DRAM1: variants seen among roughly 807,000 people sequenced by gnomAD.
DRAM1 encodes DNA damage regulated autophagy modulator 1.
DRAM1 carries 25 observed loss-of-function variants against 28.5 expected under a neutral mutation model. The ratio of observed to expected loss-of-function variants is 0.88; its 90% CI spans 0.64 to 1.23. The LOEUF (loss-of-function observed/expected upper bound fraction) is 1.23. Among genes scored for constraint, DRAM1 ranks in the 50% most tolerant of loss-of-function variants. The pLI is 0.00. For synonymous variants in DRAM1, 113 were observed against 114.2 expected, an observed-to-expected ratio of 0.99 and a Z score of 0.07; for missense variants, 249 against 299.2, an observed-to-expected ratio of 0.83 and a Z score of 1.24.
intron 5 of DRAM1, among the ~76,000 whole-genome samples, chr12:101,919,193 A>G (rs1411965569): frequency 6.6e-6 from 1 of 152,034 alleles, no homozygotes; most frequent in Non-Finnish European, 1.5e-5. Context: ...GGTGTGAGCC[A>G]TTGCAACAGA....
At chr12:101,880,950 G>C (rs1159837454) in intron 1 of DRAM1, among the ~76,000 whole-genome samples, 1 of 152,160 alleles carries the variant, frequency 6.6e-6, no homozygotes. Context: ...CATTTGTACT[G>C]ATTGCCCATG....
At position 101,908,314 on chromosome 12, in the gene DRAM1, C is replaced by A. The variant is rs761749222; in HGVS notation, c.471C>A (p.Cys157Ter). The A allele has an allele frequency of 4.3e-6, 7 of 1,613,986 alleles. No homozygotes were observed. The Admixed American group carries it at 1.2e-4, about 27-fold the overall frequency. Residue 157 changes from cysteine (C) to a stop codon, truncating the protein, a stop_gained, in exon 4 of 7, where the codon TGC becomes TGA. Coordinates refer to ENST00000258534, the MANE Select transcript of DRAM1 (RefSeq NM_018370.3). LOFTEE classifies it high-confidence loss of function. ...SCPQWNSLSTCHIRMVISAVS... is the reference protein window; with the variant it reads ...SCPQWNSLST ...CCCAGTGGAACAGTCTCTCGACATG[C>A]CACATACGGATGGTCATCTCTGCCG...
intron 1 of DRAM1, chr12:101,890,049 C>T (rs1242850745): frequency 6.6e-6 from 3 of 451,284 alleles, no homozygotes; most frequent in Middle Eastern, 3.4e-4. Flanking sequence ...GTGTTCATTT[C>T]TAATTTTTTC....
intron 4 of DRAM1, among the ~76,000 whole-genome samples, chr12:101,909,054 G>A (rs181133691): frequency 2.0e-5 from 3 of 152,016 alleles, no homozygotes; most frequent in African/African-American, 7.3e-5. Flanking sequence ...CTGAGGTTGA[G>A]AGTTCAAGAC....
At chr12:101,917,554 C>T (rs1049863295) in intron 5 of DRAM1, among the ~76,000 whole-genome samples, 56 of 151,828 alleles carry the variant, frequency 3.7e-4, no homozygotes, top group Admixed American at 2.6e-4. Context: ...GGTGTAGTGG[C>T]ACACACCTGT....
At chr12:101,889,698 G>A (rs976743254) in intron 1 of DRAM1, among the ~76,000 whole-genome samples, 1 of 152,134 alleles carries the variant, frequency 6.6e-6, no homozygotes, top group Admixed American at 6.5e-5. Context: ...CCCACATTTT[G>A]GGAAGCCAAG....
Position 101,920,101 on chromosome 12 carries a change from T to C in DRAM1, c.580-8T>C. 1.3e-6 allele frequency: 2 copies of C among 1,570,472 alleles called. No individual in the cohort carries two copies. The highest frequency in any genetic ancestry group is 1.7e-6 in the Non-Finnish European group (2 of 1,157,494). Reference sequence around the variant, plus strand: ...CGGCTAAATTCTGTTTCTTTATTATTGCATTAGGATTATGTATATCACGTA... The same window carrying C: ...CGGCTAAATTCTGTTTCTTTATTATCGCATTAGGATTATGTATATCACGTA... On this transcript the variant is annotated splice_region_variant and splice_polypyrimidine_tract_variant and intron_variant, in intron 5 of 6. Coordinates refer to ENST00000258534, the MANE Select transcript of DRAM1 (RefSeq NM_018370.3).
intron 1 of DRAM1, among the ~76,000 whole-genome samples, chr12:101,882,083 T>C (rs1872703916): frequency 6.6e-6 from 1 of 151,722 alleles, no homozygotes; most frequent in African/African-American, 2.4e-5. Flanking sequence ...CATTCTAACA[T>C]TGTTCAGTCA....
chr12:101,890,982 C>T (rs1873105439), intron 1 of DRAM1, among the ~76,000 whole-genome samples: 1 of 152,088 alleles, frequency 6.6e-6, no homozygotes, highest in East Asian at 1.9e-4. Context: ...ATCTCTTGAC[C>T]TTGTGATCCG....
At chr12:101,885,415 G>A (rs7960200) in intron 1 of DRAM1, among the ~76,000 whole-genome samples, 100,490 of 151,972 alleles carry the variant, frequency 0.66, 34,969 homozygotes, top group East Asian at 0.91. Flanking sequence ...CAGGTTGTCT[G>A]TGAATGGTTT....
intron 4 of DRAM1, among the ~76,000 whole-genome samples, chr12:101,911,348 C>T (rs982112027): frequency 1.3e-5 from 2 of 152,222 alleles, no homozygotes; most frequent in African/African-American, 4.8e-5. Context: ...GTGAGGCAGA[C>T]GTTAGAATCC....
chr12:101,894,340 C>T (rs1164718177), intron 1 of DRAM1, among the ~76,000 whole-genome samples: 1 of 152,118 alleles, frequency 6.6e-6, no homozygotes, highest in African/African-American at 2.4e-5. Flanking sequence ...TGGTCTTGAA[C>T]TCCTAACCCG....
intron 3 of DRAM1, among the ~76,000 whole-genome samples, chr12:101,903,666 CAGT>C (rs776340782): frequency 2.6e-4 from 39 of 152,040 alleles, no homozygotes; most frequent in Non-Finnish European, 4.7e-4. Context: ...ATTGCTAAAA[CAGT>C]AGATTTTAAA....
chr12:101,892,763 A>T (rs1173287174), intron 1 of DRAM1, among the ~76,000 whole-genome samples: 1 of 152,148 alleles, frequency 6.6e-6, no homozygotes, highest in Non-Finnish European at 1.5e-5. Flanking sequence ...ACCTCTTTGA[A>T]TTCTACACTT....
chr12:101,882,815 C>A (rs924807523), intron 1 of DRAM1, among the ~76,000 whole-genome samples: 16 of 149,290 alleles, frequency 1.1e-4, no homozygotes, highest in African/African-American at 3.7e-4. Flanking sequence ...ACACACCCCC[C>A]CATCATTTGA....
chr12:101,891,558 T>G (rs1024020955), intron 1 of DRAM1, among the ~76,000 whole-genome samples: 6 of 152,228 alleles, frequency 3.9e-5, no homozygotes, highest in African/African-American at 1.4e-4. Context: ...ACAAACGACT[T>G]GGAATTTTCC....
intron 1 of DRAM1, among the ~76,000 whole-genome samples, chr12:101,885,525 C>CTTT (rs11342964): frequency 5.2e-5 from 5 of 96,410 alleles, no homozygotes; most frequent in Admixed American, 1.2e-4. Flanking sequence ...TCCCACTGGA[C>CTTT]TTTTTTTTTT....
intron 1 of DRAM1, among the ~76,000 whole-genome samples, chr12:101,886,525 G>A (rs140430498): frequency 1.1e-4 from 16 of 152,280 alleles, no homozygotes; most frequent in African/African-American, 3.6e-4. Context: ...AGAAGTGATC[G>A]CTTTATATGT....
chr12:101,880,720 T>C (rs1292559590), intron 1 of DRAM1, among the ~76,000 whole-genome samples: 1 of 152,190 alleles, frequency 6.6e-6, no homozygotes, highest in African/African-American at 2.4e-5. Flanking sequence ...GTGTCTGATG[T>C]AGTTGTGATT....
Sources: allele counts gnomAD v4.1 joint callset (sites outside exome capture counted in the v4.1 genomes callset), GRCh38; gene constraint gnomAD v4.1.1; transcripts MANE v1.5; gene names NCBI Gene and HGNC (gene_info 2026-07-23, HGNC 2026-07-21).